ARHGAP6: variants seen among roughly 807,000 people sequenced by gnomAD.
ARHGAP6 encodes rho GTPase-activating protein 6.
In ARHGAP6, 16 loss-of-function variants were observed where a neutral mutation model predicts 55.7. The ratio of observed to expected loss-of-function variants is 0.29; its 90% CI spans 0.19 to 0.44. The LOEUF (loss-of-function observed/expected upper bound fraction) is 0.44, where lower values mean the gene tolerates loss of function less well. ARHGAP6 is among the 20% of genes least tolerant of loss of function. The probability of loss-of-function intolerance (pLI) is 1.00; values close to 1 mark genes in which losing one functional copy is unlikely to be tolerated. For synonymous variants in ARHGAP6, 382 were observed against 360.9 expected, an observed-to-expected ratio of 1.06 and a Z score of -0.66; for missense variants, 698 against 808.9, an observed-to-expected ratio of 0.86 and a Z score of 1.66.
chrX:11,449,252 G>C (rs1259743321), intron 1 of ARHGAP6, among the ~76,000 whole-genome samples: 1 of 111,532 alleles, frequency 9.0e-6, no homozygotes, highest in African/African-American at 3.3e-5. Flanking sequence ...CCTGGCTTTG[G>C]CCTGCCATCC....
chrX:11,463,670 A>G (rs898206083), intron 1 of ARHGAP6, among the ~76,000 whole-genome samples: 1 of 111,855 alleles, frequency 8.9e-6, no homozygotes, highest in Non-Finnish European at 1.9e-5. Context: ...TACATGCTAC[A>G]TTGCACTCAT....
chrX:11,526,482 C>T (rs1162243105), intron 1 of ARHGAP6, among the ~76,000 whole-genome samples: 2 of 112,009 alleles, frequency 1.8e-5, no homozygotes, highest in African/African-American at 6.5e-5. Context: ...AATTAAATCA[C>T]TGACCCTCCC....
chrX:11,139,110 G>T lies in ARHGAP6; in HGVS notation c.2678C>A (p.Ala893Glu), dbSNP rs756459851. The T allele has an allele frequency of 8.3e-7, 1 of 1,202,618 alleles. No homozygotes were observed. The highest frequency in any genetic ancestry group is 1.8e-5 in the South Asian group (1 of 56,086). ...PYPGPGKPAAAAAWIQGPPEG... is the reference protein window; with the variant it reads ...PYPGPGKPAAEAAWIQGPPEG... The stretch of plus-strand genomic sequence containing the variant: ...CGGGGGCCCCTGGATCCAGGCTGCC[G>T]CTGCCGCGGGCTTCCCTGGGCCCGG... The change falls in exon 13 of 13, where the codon GCG becomes GAG. Residue 893 changes from alanine (A) to glutamate (E), a missense_variant. Transcript: ENST00000337414.
intron 1 of ARHGAP6, among the ~76,000 whole-genome samples, chrX:11,418,778 G>A (rs775917523): frequency 1.8e-5 from 2 of 111,738 alleles, no homozygotes; most frequent in African/African-American, 6.5e-5. Context: ...TTTAAATGTG[G>A]TAGTCAAAAT....
chrX:11,174,576 T>TCCTTCCTTTCTTTCTTTC (rs1569241212), intron 8 of ARHGAP6, among the ~76,000 whole-genome samples: 2 of 78,147 alleles, frequency 2.6e-5, no homozygotes, highest in African/African-American at 4.7e-5. Flanking sequence ...CTTCCTTCCT[T>TCCTTCCTTTCTTTCTTTC]TCTTTCTTTC....
chrX:11,362,321 A>G (rs1255099883), intron 1 of ARHGAP6, among the ~76,000 whole-genome samples: 1 of 111,524 alleles, frequency 9.0e-6, no homozygotes, highest in Non-Finnish European at 1.9e-5. Flanking sequence ...AATACTATGC[A>G]GCCATAAAAA....
chrX:11,629,360 T>C (rs2052335132), intron 1 of ARHGAP6, among the ~76,000 whole-genome samples: 1 of 111,270 alleles, frequency 9.0e-6, no homozygotes, highest in African/African-American at 3.3e-5. Context: ...TTAACATATG[T>C]CTTTAATCTT....
At chrX:11,418,774 T>C (rs928552294) in intron 1 of ARHGAP6, among the ~76,000 whole-genome samples, 2 of 111,757 alleles carry the variant, frequency 1.8e-5, no homozygotes, top group African/African-American at 6.5e-5. Context: ...GTACTTTAAA[T>C]GTGGTAGTCA....
At chrX:11,528,761 C>T (rs749407828) in intron 1 of ARHGAP6, among the ~76,000 whole-genome samples, 32 of 111,780 alleles carry the variant, frequency 2.9e-4, no homozygotes, top group African/African-American at 1.0e-3. Context: ...GTGAAGTAGG[C>T]CAGGTTTCCT....
chrX:11,269,532 T>C (rs1324081106), intron 1 of ARHGAP6, among the ~76,000 whole-genome samples: 5 of 112,012 alleles, frequency 4.5e-5, no homozygotes, highest in Non-Finnish European at 9.4e-5. Context: ...ATTTAGATTA[T>C]ATTCATTACT....
intron 1 of ARHGAP6, among the ~76,000 whole-genome samples, chrX:11,542,781 C>T (rs1336921824): frequency 8.9e-6 from 1 of 111,736 alleles, no homozygotes; most frequent in Non-Finnish European, 1.9e-5. Context: ...ACCCCAAGAA[C>T]ACACAATCTG....
intron 1 of ARHGAP6, among the ~76,000 whole-genome samples, chrX:11,513,538 C>T (rs187663650): frequency 1.7e-4 from 19 of 111,706 alleles, no homozygotes; most frequent in African/African-American, 5.8e-4. Context: ...TTGCTAAGCC[C>T]TCTGTCCTTA....
At chrX:11,446,660 G>T (rs1254354119) in intron 1 of ARHGAP6, among the ~76,000 whole-genome samples, 1 of 111,787 alleles carries the variant, frequency 8.9e-6, no homozygotes, top group African/African-American at 3.3e-5. Context: ...AAAAACCTCT[G>T]GGCCCTGACT....
At chrX:11,298,956 A>T in intron 1 of ARHGAP6, 3 of 1,210,134 alleles carry the variant, frequency 2.5e-6, no homozygotes, top group Non-Finnish European at 3.4e-6. Context: ...AACAGACAAG[A>T]CCAAGCGGGA....
chrX:11,298,751 G>A (rs1289509571), intron 1 of ARHGAP6: 1 of 1,210,777 alleles, frequency 8.3e-7, no homozygotes, highest in Non-Finnish European at 1.1e-6. Context: ...AACACCACCA[G>A]CCAAACCTCC....
At chrX:11,142,417 C>T (rs2045632529) in intron 11 of ARHGAP6, 104 bp from the exon 12 acceptor site, 1 of 488,336 alleles carries the variant, frequency 2.0e-6, no homozygotes, top group African/African-American at 2.4e-5. Flanking sequence ...TATTCAAGAT[C>T]CTGTTGTATA....
intron 1 of ARHGAP6, among the ~76,000 whole-genome samples, chrX:11,581,861 A>T (rs1463247351): frequency 9.0e-6 from 1 of 110,928 alleles, no homozygotes; most frequent in Non-Finnish European, 1.9e-5. Flanking sequence ...ATGGGTGCAC[A>T]TATCTGTGAC....
intron 1 of ARHGAP6, among the ~76,000 whole-genome samples, chrX:11,549,732 C>A (rs186517115): frequency 1.1e-3 from 125 of 112,460 alleles, no homozygotes; most frequent in African/African-American, 4.0e-3. Flanking sequence ...AAAGTGTAGT[C>A]CATGAACCAA....
rs2052633147 is a variant in ARHGAP6 at position 11,656,009 on chromosome X, G to T, written c.588+8232C>A. On this transcript the variant is annotated intron_variant, in intron 1 of 12. Coordinates refer to ENST00000337414, the MANE Select transcript of ARHGAP6 (RefSeq NM_013427.3). The stretch of plus-strand genomic sequence containing the variant: ...TACCAGAGTCAAGCTCATTTATTTG[G>T]AGGCACCTGGCTGAGCCATAAAGTA... Among the ~76,000 whole-genome samples, 3 of 112,638 alleles carry T rather than the reference G, an allele frequency of 2.7e-5. No homozygotes were observed. The South Asian group carries it at 1.1e-3, about 41-fold the overall frequency.
Sources: gnomAD v4.1 joint callset for allele counts (sites outside exome capture counted in the v4.1 genomes callset) on GRCh38, gnomAD v4.1.1 for gene constraint, MANE v1.5 for transcripts, NCBI Gene and HGNC (gene_info 2026-07-23, HGNC 2026-07-21) for gene names.